The following KIFAP3 variants were observed in gnomAD, a reference collection of about 807,000 sequenced individuals.
The protein encoded by KIFAP3 is kinesin-associated protein 3.
A neutral mutation model predicts 106.5 loss-of-function variants in KIFAP3; 68 were observed. The observed-to-expected ratio is 0.64, with a 90% CI of 0.53 to 0.78. The LOEUF is 0.78. Among genes scored for constraint, KIFAP3 ranks in the 30% least tolerant of loss-of-function variants. KIFAP3 has a pLI of 0.00. For missense variants in KIFAP3, 780 were observed against 941.8 expected, an observed-to-expected ratio of 0.83 and a Z score of 2.25; for synonymous variants, 320 against 311.5, an observed-to-expected ratio of 1.03 and a Z score of -0.29.
intron 2 of KIFAP3, among the ~76,000 whole-genome samples, chr1:170,049,109 A>G (rs1291232304): frequency 2.0e-5 from 3 of 152,122 alleles, no homozygotes; most frequent in Non-Finnish European, 4.4e-5. Context: ...AGCAGTCTGG[A>G]GTTGATCTGG....
At chr1:170,060,919 C>T (rs1047989167) in intron 1 of KIFAP3, among the ~76,000 whole-genome samples, 4 of 152,148 alleles carry the variant, frequency 2.6e-5, no homozygotes, top group African/African-American at 9.7e-5. Context: ...GAAAGGATTC[C>T]CTATTTAATA....
chr1:169,960,864 G>GAA (rs3215641), intron 18 of KIFAP3, among the ~76,000 whole-genome samples, 182 bp downstream of exon 18: 6 of 150,830 alleles, frequency 4.0e-5, no homozygotes, highest in African/African-American at 9.7e-5. Flanking sequence ...GACTAACTTG[G>GAA]AAAAAAAAAT....
At chr1:169,974,608 A>T in intron 16 of KIFAP3, among the ~76,000 whole-genome samples, 1 of 33,772 alleles carries the variant, frequency 3.0e-5, no homozygotes, top group Middle Eastern at 0.016. Context: ...TTTTTTAAAA[A>T]TATGTAAAAA....
chr1:169,970,380 A>G (rs1221675920), intron 17 of KIFAP3, among the ~76,000 whole-genome samples: 4 of 152,062 alleles, frequency 2.6e-5, no homozygotes. Flanking sequence ...TCATCAGTTG[A>G]GGGCTTGGGC....
At chr1:170,057,320 T>C (rs929534960) in intron 1 of KIFAP3, among the ~76,000 whole-genome samples, 2 of 152,042 alleles carry the variant, frequency 1.3e-5, no homozygotes, top group Admixed American at 6.6e-5. Flanking sequence ...AATCAAATAA[T>C]TAAAAAGGAA....
At chr1:169,975,360 A>T (rs1300122964) in intron 16 of KIFAP3, among the ~76,000 whole-genome samples, 1 of 144,146 alleles carries the variant, frequency 6.9e-6, no homozygotes, top group African/African-American at 2.6e-5. Flanking sequence ...TGTTCAAATT[A>T]TATCAAATAA....
chr1:170,019,821 G>A (rs1668716083), intron 9 of KIFAP3, among the ~76,000 whole-genome samples: 1 of 152,148 alleles, frequency 6.6e-6, no homozygotes, highest in Non-Finnish European at 1.5e-5. Flanking sequence ...CATCATACTA[G>A]AGGGCATACC....
At chr1:170,053,142 A>G (rs1008326077) in intron 2 of KIFAP3, among the ~76,000 whole-genome samples, 7 of 152,192 alleles carry the variant, frequency 4.6e-5, no homozygotes, top group Admixed American at 3.9e-4. Context: ...AACTTCAGCA[A>G]AATTCTCAGT....
chr1:170,046,676 G>C, intron 3 of KIFAP3, 36 bp downstream of exon 3: 1 of 1,413,924 alleles, frequency 7.1e-7, no homozygotes, highest in Non-Finnish European at 9.3e-7. Context: ...AACAACTTTG[G>C]ATTTGCATTA....
chr1:170,018,354 T>C (rs973763558), intron 9 of KIFAP3, among the ~76,000 whole-genome samples: 7 of 152,266 alleles, frequency 4.6e-5, no homozygotes, highest in Admixed American at 3.9e-4. Context: ...TAGAAGATTA[T>C]AAAATTGCAT....
At chr1:170,074,105 T>C (rs1282167379) in intron 1 of KIFAP3, among the ~76,000 whole-genome samples, 1 of 150,896 alleles carries the variant, frequency 6.6e-6, no homozygotes. Context: ...TATGGGAAAA[T>C]GGAGAGTCTG....
intron 11 of KIFAP3, among the ~76,000 whole-genome samples, chr1:169,985,304 T>C (rs909822798): frequency 6.6e-6 from 1 of 151,824 alleles, no homozygotes; most frequent in African/African-American, 2.4e-5. Flanking sequence ...GGGAACCAGG[T>C]AGGATGCTAG....
chr1:169,998,556 A>T (rs1667504025), intron 10 of KIFAP3, among the ~76,000 whole-genome samples: 1 of 152,106 alleles, frequency 6.6e-6, no homozygotes, highest in Admixed American at 6.6e-5. Flanking sequence ...ATGTGAGTAA[A>T]GTTTCCCCTA....
rs150635178 is a variant in KIFAP3 at position 170,035,483 on chromosome 1, G to A, written c.588C>T (p.Asn196=). The A allele has an allele frequency of 8.6e-5, 138 of 1,608,738 alleles. No individual in the cohort carries two copies. The African/African-American group carries it at 1.6e-3, about 19-fold the overall frequency. The change falls in exon 6 of 20, where the codon AAC becomes AAT. Residue 196 remains asparagine, a synonymous_variant. Coordinates refer to ENST00000361580, the MANE Select transcript of KIFAP3 (RefSeq NM_014970.4). The part of the protein sequence containing the change: ...DWKQSVELAT[N]IIYIFFCFSS... ...AGAAACAAAAAAAGATGTAAATTATGTTTGTAGCTAACTCGACACTTTGCT... is the reference window on the plus strand; with the variant it reads ...AGAAACAAAAAAAGATGTAAATTATATTTGTAGCTAACTCGACACTTTGCT...
At chr1:169,931,355 T>C (rs1422223950) in intron 19 of KIFAP3, among the ~76,000 whole-genome samples, 1 of 152,236 alleles carries the variant, frequency 6.6e-6, no homozygotes, top group Non-Finnish European at 1.5e-5. Flanking sequence ...ATTTTATTTT[T>C]CCTTATTTGT....
chr1:170,048,841 G>T (rs1448328373), intron 2 of KIFAP3, among the ~76,000 whole-genome samples: 1 of 152,144 alleles, frequency 6.6e-6, no homozygotes, highest in Non-Finnish European at 1.5e-5. Context: ...CGCAGATCAG[G>T]AGAATCCTTG....
chr1:170,049,986 A>G (rs576332758), intron 2 of KIFAP3, among the ~76,000 whole-genome samples: 6 of 152,152 alleles, frequency 3.9e-5, no homozygotes, highest in Non-Finnish European at 7.3e-5. Context: ...CTGGATGGAG[A>G]ATGAGATTGA....
At chr1:170,002,272 AG>A (rs1229845012) in intron 10 of KIFAP3, among the ~76,000 whole-genome samples, 5 of 152,176 alleles carry the variant, frequency 3.3e-5, no homozygotes, top group Admixed American at 3.3e-4. Context: ...AAAATGAATC[AG>A]GTGCCATTCT....
intron 17 of KIFAP3, among the ~76,000 whole-genome samples, chr1:169,968,202 A>T (rs577709022): frequency 6.6e-6 from 1 of 152,016 alleles, no homozygotes; most frequent in African/African-American, 2.4e-5. Context: ...GTCGTGAAAG[A>T]CTGATGGTTT....
Sources: allele counts gnomAD v4.1 joint callset (sites outside exome capture counted in the v4.1 genomes callset), GRCh38; gene constraint gnomAD v4.1.1; transcripts MANE v1.5; gene names NCBI Gene and HGNC (gene_info 2026-07-23, HGNC 2026-07-21).